The following LIN28B variants were observed in gnomAD, a reference collection of about 807,000 sequenced individuals.
The protein encoded by LIN28B is lin-28 RNA binding posttranscriptional regulator B, also known as protein lin-28 homolog B.
In LIN28B, 5 loss-of-function variants were observed where a neutral mutation model predicts 21.9. The ratio of observed to expected loss-of-function variants is 0.23; its 90% CI spans 0.12 to 0.48. The LOEUF is 0.48. Among genes scored for constraint, LIN28B ranks in the 20% least tolerant of loss-of-function variants. The pLI is 0.98. For missense variants in LIN28B, 245 were observed against 310.5 expected, an observed-to-expected ratio of 0.79 and a Z score of 1.58; for synonymous variants, 109 against 111.3, an observed-to-expected ratio of 0.98 and a Z score of 0.13.
At chr6:105,068,882 C>G (rs1772271977) in intron 3 of LIN28B, among the ~76,000 whole-genome samples, 1 of 152,124 alleles carries the variant, frequency 6.6e-6, no homozygotes, top group Non-Finnish European at 1.5e-5. Context: ...AAGCAGAGAT[C>G]TTATTATATT....
At chr6:105,047,888 A>G (rs1247076641) in intron 3 of LIN28B, among the ~76,000 whole-genome samples, 5 of 152,296 alleles carry the variant, frequency 3.3e-5, no homozygotes, top group East Asian at 1.9e-4. Context: ...GACTTTGCCA[A>G]ATTTGCTTAT....
chr6:104,972,909 G>A (rs957364598), intron 2 of LIN28B, among the ~76,000 whole-genome samples: 2 of 152,028 alleles, frequency 1.3e-5, no homozygotes, highest in Admixed American at 6.6e-5. Flanking sequence ...TCAGGAGTTC[G>A]AGACCTGCCT....
chr6:105,024,472 CTATT>C (rs960784767), intron 2 of LIN28B, among the ~76,000 whole-genome samples: 8 of 152,130 alleles, frequency 5.3e-5, no homozygotes, highest in Middle Eastern at 3.4e-3. Context: ...AGCAAAATAA[CTATT>C]TATAATTAGT....
At chr6:104,968,612 T>C (rs1297528206) in intron 2 of LIN28B, among the ~76,000 whole-genome samples, 2 of 152,214 alleles carry the variant, frequency 1.3e-5, no homozygotes, top group African/African-American at 4.8e-5. Flanking sequence ...GCTATTTCGT[T>C]TTATGGTGTT....
At chr6:104,990,569 A>G (rs1480839875) in intron 2 of LIN28B, among the ~76,000 whole-genome samples, 1 of 142,716 alleles carries the variant, frequency 7.0e-6, no homozygotes, top group Admixed American at 7.0e-5. Flanking sequence ...TTTATTTTTT[A>G]TTTTTTTTTT....
chr6:104,981,669 A>G (rs1473458515), intron 2 of LIN28B, among the ~76,000 whole-genome samples: 1 of 152,266 alleles, frequency 6.6e-6, no homozygotes, highest in African/African-American at 2.4e-5. Context: ...ACTGCAAATC[A>G]AAAATGAGTG....
intron 3 of LIN28B, among the ~76,000 whole-genome samples, chr6:105,049,084 C>T (rs1771835970): frequency 6.6e-6 from 1 of 152,098 alleles, no homozygotes; most frequent in Non-Finnish European, 1.5e-5. Flanking sequence ...GCTCTTGCTT[C>T]TCTAGTTCTT....
At chr6:104,968,686 A>G (rs532457484) in intron 2 of LIN28B, among the ~76,000 whole-genome samples, 1 of 152,174 alleles carries the variant, frequency 6.6e-6, no homozygotes, top group Non-Finnish European at 1.5e-5. Context: ...TTTGTTGGTG[A>G]TCATTTTCTT....
chr6:105,071,090 T>C (rs1343776790), intron 3 of LIN28B, among the ~76,000 whole-genome samples: 3 of 152,274 alleles, frequency 2.0e-5, no homozygotes, highest in Admixed American at 6.5e-5. Context: ...TTGGCCTGGC[T>C]GGTCTCAAAC....
chr6:104,961,174 A>G (rs1388951839), intron 2 of LIN28B, among the ~76,000 whole-genome samples: 1 of 152,240 alleles, frequency 6.6e-6, no homozygotes, highest in Admixed American at 6.5e-5. Context: ...ATATAGTTCA[A>G]TAATGAATAT....
intron 2 of LIN28B, among the ~76,000 whole-genome samples, chr6:104,984,442 A>G (rs1770291699): frequency 6.6e-6 from 1 of 151,628 alleles, no homozygotes; most frequent in South Asian, 2.1e-4. Flanking sequence ...ATGAATGAGT[A>G]TATTTCTTTC....
At chr6:105,055,228 T>C (rs1241621296) in intron 3 of LIN28B, among the ~76,000 whole-genome samples, 1 of 152,206 alleles carries the variant, frequency 6.6e-6, no homozygotes, top group Non-Finnish European at 1.5e-5. Context: ...TGGCCATCAT[T>C]TCTTCGTGTG....
intron 2 of LIN28B, among the ~76,000 whole-genome samples, chr6:104,960,673 A>G (rs1227579790): frequency 6.6e-6 from 1 of 152,092 alleles, no homozygotes; most frequent in Non-Finnish European, 1.5e-5. Context: ...TAAAAAACAA[A>G]TTATTTGTGT....
intron 2 of LIN28B, 142 bp from the exon 3 acceptor site, chr6:105,026,156 T>G: frequency 2.2e-6 from 1 of 458,150 alleles, no homozygotes; most frequent in Non-Finnish European, 3.8e-6. Context: ...TAAAATGGTA[T>G]ATGTTTCACT....
chr6:105,034,446 T>C (rs1044459409), intron 3 of LIN28B, among the ~76,000 whole-genome samples: 1 of 151,996 alleles, frequency 6.6e-6, no homozygotes, highest in African/African-American at 2.4e-5. Flanking sequence ...GAAAGAAGGC[T>C]AATAGACTGT....
chr6:104,966,619 A>ATT (rs538140992), intron 2 of LIN28B, among the ~76,000 whole-genome samples: 2,109 of 122,782 alleles, frequency 0.017, 96 homozygotes, highest in African/African-American at 0.064. Flanking sequence ...TGCCCGGCTG[A>ATT]TTTTTTTTTT....
At chr6:104,945,858 G>A (rs1432702049) in intron 2 of LIN28B, among the ~76,000 whole-genome samples, 1 of 151,932 alleles carries the variant, frequency 6.6e-6, no homozygotes, top group Non-Finnish European at 1.5e-5. Context: ...TTGAAAATAT[G>A]CCAGTCATCT....
At chr6:104,959,149 T>C (rs1769658521) in intron 2 of LIN28B, among the ~76,000 whole-genome samples, 1 of 152,206 alleles carries the variant, frequency 6.6e-6, no homozygotes, top group Non-Finnish European at 1.5e-5. Context: ...TTTACTCCTC[T>C]CTACTGCTTA....
chr6:104,956,200 C>T (rs983759592), upstream of LIN28B, among the ~76,000 whole-genome samples: 1 of 151,938 alleles, frequency 6.6e-6, no homozygotes, highest in African/African-American at 2.4e-5. Context: ...GCCGCCTATC[C>T]TGGCGGCTCC....
Sources: allele counts gnomAD v4.1 joint callset (sites outside exome capture counted in the v4.1 genomes callset), GRCh38; gene constraint gnomAD v4.1.1; transcripts MANE v1.5; gene names NCBI Gene and HGNC (gene_info 2026-07-23, HGNC 2026-07-21).